The following HCN1 variants were observed in gnomAD, a reference collection of about 807,000 sequenced individuals.
HCN1 encodes hyperpolarization activated cyclic nucleotide gated potassium channel 1, also known as potassium/sodium hyperpolarization-activated cyclic nucleotide-gated channel 1.
HCN1 carries 13 observed loss-of-function variants against 78.9 expected under a neutral mutation model. The observed-to-expected ratio is 0.16, with a 90% CI of 0.11 to 0.26. HCN1 has a LOEUF of 0.26. HCN1 is among the 10% of genes least tolerant of loss of function. The pLI is 1.00. For synonymous variants in HCN1, 552 were observed against 455.5 expected (o/e 1.21, Z -2.70); for missense variants, 810 against 1,154.3 (o/e 0.70, Z 4.32).
At chr5:45,505,050 T>G (rs1742270243) in intron 2 of HCN1, among the ~76,000 whole-genome samples, 1 of 152,208 alleles carries the variant, frequency 6.6e-6, no homozygotes, top group Non-Finnish European at 1.5e-5. Context: ...TTCTGTAGGT[T>G]GCCTGTTCAC....
intron 3 of HCN1, among the ~76,000 whole-genome samples, chr5:45,397,400 G>C (rs1579867630): frequency 6.6e-6 from 1 of 151,958 alleles, no homozygotes; most frequent in Non-Finnish European, 1.5e-5. Context: ...GAAAACAATA[G>C]GAAATGCTGA....
At chr5:45,533,706 C>T (rs1742905742) in intron 2 of HCN1, among the ~76,000 whole-genome samples, 1 of 152,144 alleles carries the variant, frequency 6.6e-6, no homozygotes, top group African/African-American at 2.4e-5. Context: ...GAAAGGCTCT[C>T]CCTTCAGGCT....
intron 2 of HCN1, among the ~76,000 whole-genome samples, chr5:45,529,068 C>A (rs751519050): frequency 1.7e-4 from 26 of 151,972 alleles, no homozygotes; most frequent in Non-Finnish European, 2.7e-4. Flanking sequence ...TTTCCTCCTT[C>A]ATTCCAGTGG....
intron 2 of HCN1, among the ~76,000 whole-genome samples, chr5:45,482,279 C>A (rs1308163221): frequency 1.3e-5 from 2 of 152,106 alleles, no homozygotes; most frequent in Non-Finnish European, 2.9e-5. Context: ...CCAACAGTGG[C>A]AGGGAAAGGG....
At chr5:45,574,846 C>T (rs971257111) in intron 2 of HCN1, 1 of 152,188 alleles carries the variant, frequency 6.6e-6, no homozygotes, top group Admixed American at 6.6e-5. Flanking sequence ...GATCAAATCA[C>T]CCACAGCATT....
chr5:45,302,218 T>C lies in HCN1; in HGVS notation c.1618+1381A>G, dbSNP rs1264550355. Among the ~76,000 whole-genome samples the C allele has an allele frequency of 2.4e-4, 37 of 151,970 alleles. 1 individual carries two copies. The highest frequency in any genetic ancestry group is 2.4e-3 in the Admixed American group (37 of 15,234). ...GGCGGTGGGACGTGGATCATGGTAA[T>C]GGGTGCCCCCATGTTGTTCTCATGG... On this transcript the variant is annotated intron_variant, in intron 6 of 7. Transcript: ENST00000303230.
chr5:45,297,275 G>C (rs1259271452), intron 6 of HCN1, among the ~76,000 whole-genome samples: 3 of 152,124 alleles, frequency 2.0e-5, no homozygotes, highest in African/African-American at 7.2e-5. Context: ...TGTGGCTTAA[G>C]AATGCCTTTA....
At chr5:45,654,770 A>G (rs1212077832) in intron 1 of HCN1, among the ~76,000 whole-genome samples, 1 of 152,198 alleles carries the variant, frequency 6.6e-6, no homozygotes, top group Non-Finnish European at 1.5e-5. Flanking sequence ...CCACTGTGAA[A>G]TTATGAAAAG....
At chr5:45,295,405 G>C (rs1579786643) in intron 6 of HCN1, among the ~76,000 whole-genome samples, 1 of 151,960 alleles carries the variant, frequency 6.6e-6, no homozygotes, top group Middle Eastern at 3.4e-3. Flanking sequence ...CCTTATGAAT[G>C]TGTCTCACAC....
intron 5 of HCN1, among the ~76,000 whole-genome samples, chr5:45,314,548 A>G (rs1047974407): frequency 1.3e-5 from 2 of 152,220 alleles, no homozygotes. Flanking sequence ...AAATGCTCCA[A>G]TTAAAAGACA....
chr5:45,520,834 C>A (rs1482967495), intron 2 of HCN1, among the ~76,000 whole-genome samples: 1 of 151,848 alleles, frequency 6.6e-6, no homozygotes, highest in Admixed American at 6.6e-5. Context: ...ACTACTCAGG[C>A]AAGTCATTAT....
chr5:45,305,884 A>G (rs1468819270), intron 5 of HCN1, among the ~76,000 whole-genome samples: 9 of 151,622 alleles, frequency 5.9e-5, no homozygotes, highest in Non-Finnish European at 1.5e-5. Context: ...GAAGGAAGGA[A>G]GGAAGGTGGA....
intron 2 of HCN1, among the ~76,000 whole-genome samples, chr5:45,501,699 C>A (rs1460480411): frequency 1.3e-5 from 2 of 152,138 alleles, no homozygotes; most frequent in East Asian, 3.9e-4. Flanking sequence ...CTCGGCCTCC[C>A]AAAGTGCTAG....
At chr5:45,285,949 C>T (rs774325629) in intron 6 of HCN1, among the ~76,000 whole-genome samples, 16 of 151,830 alleles carry the variant, frequency 1.1e-4, no homozygotes, top group Non-Finnish European at 1.6e-4. Context: ...CTCTGATAAA[C>T]TTTCTTTATA....
chr5:45,297,240 GAC>G (rs1745515304), intron 6 of HCN1, among the ~76,000 whole-genome samples: 1 of 152,120 alleles, frequency 6.6e-6, no homozygotes, highest in Admixed American at 6.6e-5. Context: ...ACACCCTTAA[GAC>G]ACAGATCGCT....
chr5:45,372,517 TATAAAAATATATAAA>T (rs1747423374), intron 4 of HCN1, among the ~76,000 whole-genome samples: 3 of 126,592 alleles, frequency 2.4e-5, no homozygotes, highest in African/African-American at 8.8e-5. Flanking sequence ...AACATTTACA[TATAAAAATATATAAA>T]ACATTTACAT....
At chr5:45,541,397 G>A (rs1218192376) in intron 2 of HCN1, among the ~76,000 whole-genome samples, 1 of 152,072 alleles carries the variant, frequency 6.6e-6, no homozygotes, top group Admixed American at 6.6e-5. Context: ...AGAACACCTA[G>A]CCCCGTCCCT....
chr5:45,407,423 C>T (rs1412412836), intron 3 of HCN1, among the ~76,000 whole-genome samples: 1 of 151,982 alleles, frequency 6.6e-6, no homozygotes, highest in Non-Finnish European at 1.5e-5. Flanking sequence ...AGTATACTAC[C>T]TTTTTATTGT....
At chr5:45,330,571 A>G (rs1319807360) in intron 5 of HCN1, among the ~76,000 whole-genome samples, 2 of 150,904 alleles carry the variant, frequency 1.3e-5, no homozygotes, top group African/African-American at 4.8e-5. Context: ...AAAAATTAAA[A>G]ATGCAGCATT....
Sources: gnomAD v4.1 joint callset for allele counts (sites outside exome capture counted in the v4.1 genomes callset) on GRCh38, gnomAD v4.1.1 for gene constraint, MANE v1.5 for transcripts, NCBI Gene and HGNC (gene_info 2026-07-23, HGNC 2026-07-21) for gene names.